NPAS2: variants seen among roughly 807,000 people sequenced by gnomAD.
NPAS2 encodes the protein neuronal PAS domain-containing protein 2.
NPAS2 carries 23 observed loss-of-function variants against 107.5 expected under a neutral mutation model. That is an observed-to-expected ratio of 0.21 (90% CI 0.15 to 0.30). NPAS2 has a LOEUF of 0.30. Among genes scored for constraint, NPAS2 ranks in the 10% least tolerant of loss-of-function variants. NPAS2 has a pLI of 1.00. For missense variants in NPAS2, 756 were observed against 1,043.3 expected, an observed-to-expected ratio of 0.72 and a Z score of 3.79; for synonymous variants, 403 against 417.5, an observed-to-expected ratio of 0.97 and a Z score of 0.42.
At chr2:100,922,093 T>C (rs1683260789) in intron 2 of NPAS2, among the ~76,000 whole-genome samples, 1 of 152,144 alleles carries the variant, frequency 6.6e-6, no homozygotes, top group African/African-American at 2.4e-5. Context: ...GAAACTACAC[T>C]ACCAGCAGAT....
intron 2 of NPAS2, among the ~76,000 whole-genome samples, chr2:100,913,103 G>A (rs1015115891): frequency 2.6e-5 from 4 of 151,998 alleles, no homozygotes; most frequent in African/African-American, 7.3e-5. Flanking sequence ...TTCAGCTCCC[G>A]GTGGGAATTG....
chr2:100,848,222 G>C (rs1405186877), intron 1 of NPAS2, among the ~76,000 whole-genome samples: 1 of 152,124 alleles, frequency 6.6e-6, no homozygotes, highest in East Asian at 1.9e-4. Context: ...AAAGACCCTG[G>C]TTACAAAGTC....
intron 2 of NPAS2, among the ~76,000 whole-genome samples, chr2:100,911,244 C>T (rs1378865730): frequency 2.0e-5 from 3 of 152,156 alleles, no homozygotes; most frequent in African/African-American, 4.8e-5. Flanking sequence ...CTCCTCTGGC[C>T]ATGGTCCTTC....
At chr2:100,918,946 G>C (rs1427328677) in intron 2 of NPAS2, among the ~76,000 whole-genome samples, 1 of 152,130 alleles carries the variant, frequency 6.6e-6, no homozygotes, top group African/African-American at 2.4e-5. Context: ...ACACCAATGG[G>C]CATAGTAGCT....
chr2:100,875,694 A>G (rs1679921572), intron 1 of NPAS2, among the ~76,000 whole-genome samples: 2 of 152,228 alleles, frequency 1.3e-5, no homozygotes, highest in Admixed American at 1.3e-4. Flanking sequence ...ATTTTTAACA[A>G]AGATTTAAAG....
chr2:100,909,788 G>A (rs1188959802), intron 2 of NPAS2, among the ~76,000 whole-genome samples: 1 of 152,004 alleles, frequency 6.6e-6, no homozygotes, highest in East Asian at 1.9e-4. Flanking sequence ...GAGAACGCAG[G>A]AGGTAATAGG....
At chr2:100,892,118 A>G (rs1681109201) in intron 1 of NPAS2, among the ~76,000 whole-genome samples, 1 of 152,214 alleles carries the variant, frequency 6.6e-6, no homozygotes, top group African/African-American at 2.4e-5. Flanking sequence ...AACTCTTGAT[A>G]GAGAGTCCCC....
intron 1 of NPAS2, among the ~76,000 whole-genome samples, chr2:100,843,749 T>C (rs966770996): frequency 2.0e-5 from 3 of 152,146 alleles, no homozygotes; most frequent in African/African-American, 4.8e-5. Flanking sequence ...TATAAAGAGA[T>C]CTAAAGGATC....
At chr2:100,949,267 AG>A in intron 6 of NPAS2, 99 bp from the exon 7 acceptor site, 1 of 744,190 alleles carries the variant, frequency 1.3e-6, no homozygotes, top group East Asian at 2.6e-5. Flanking sequence ...GGCCATGTGT[AG>A]ACTAAATCCC....
At chr2:100,874,674 G>A (rs1465859267) in intron 1 of NPAS2, among the ~76,000 whole-genome samples, 7 of 152,012 alleles carry the variant, frequency 4.6e-5, no homozygotes, top group South Asian at 2.1e-4. Flanking sequence ...CCCGGGAGGC[G>A]GAGGTTGCAG....
intron 20 of NPAS2, chr2:100,994,810 C>T (rs72976834): frequency 0.03 from 4,545 of 152,480 alleles, 245 homozygotes; most frequent in African/African-American, 0.1. Flanking sequence ...GCCTGGGCAG[C>T]TTTGAGAGCA....
At chr2:100,877,467 AG>A (rs1290713286) in intron 1 of NPAS2, among the ~76,000 whole-genome samples, 10 of 150,606 alleles carry the variant, frequency 6.6e-5, no homozygotes, top group Non-Finnish European at 1.2e-4. Context: ...AAAAAAAAAA[AG>A]AAATGGTTGA....
At chr2:100,908,046 G>A (rs918785805) in intron 2 of NPAS2, among the ~76,000 whole-genome samples, 32 of 152,076 alleles carry the variant, frequency 2.1e-4, no homozygotes, top group South Asian at 4.1e-4. Flanking sequence ...ACGTGCATGC[G>A]CGTGCATTTG....
chr2:100,836,970 G>A (rs1677109755), intron 1 of NPAS2, among the ~76,000 whole-genome samples: 1 of 152,208 alleles, frequency 6.6e-6, no homozygotes, highest in Non-Finnish European at 1.5e-5. Context: ...CTAAAACCAA[G>A]AATACCTTTG....
At chr2:100,892,210 C>G (rs1681113938) in intron 1 of NPAS2, among the ~76,000 whole-genome samples, 1 of 152,200 alleles carries the variant, frequency 6.6e-6, no homozygotes, top group African/African-American at 2.4e-5. Flanking sequence ...CCCTTCCATC[C>G]AGATATCATG....
chr2:100,992,139 C>T (rs866068507), intron 19 of NPAS2, among the ~76,000 whole-genome samples: 2 of 152,236 alleles, frequency 1.3e-5, no homozygotes, highest in Non-Finnish European at 2.9e-5. Context: ...ATAGGCTGGG[C>T]GCAGTGGCTC....
At chr2:100,932,131 A>G (rs1400835340) in intron 3 of NPAS2, among the ~76,000 whole-genome samples, 1 of 152,248 alleles carries the variant, frequency 6.6e-6, no homozygotes, top group African/African-American at 2.4e-5. Flanking sequence ...GATAAACTGA[A>G]GGAAAAACAA....
In NPAS2 at chr2:100,871,556, C is replaced by G. The variant is rs188399935; in HGVS notation, c.-22-33177C>G. 1.4e-4 allele frequency among the ~76,000 whole-genome samples: 21 copies of G among 152,158 alleles called. No individual in the cohort carries two copies. The East Asian group carries it at 2.5e-3, about 18-fold the overall frequency. ...GTGTTGGCCAGGTTGGTCTTGAACT[C>G]CTGGCCTCAAGTGATCTGCCCGCCT... On this transcript the variant is annotated intron_variant, in intron 1 of 20. Transcript: ENST00000335681.
chr2:100,861,341 T>G (rs1463768082), intron 1 of NPAS2, among the ~76,000 whole-genome samples: 1 of 152,198 alleles, frequency 6.6e-6, no homozygotes, highest in East Asian at 1.9e-4. Flanking sequence ...TAGCTCAGTC[T>G]GCTGGCTTGG....
Sources: allele counts gnomAD v4.1 joint callset (sites outside exome capture counted in the v4.1 genomes callset), GRCh38; gene constraint gnomAD v4.1.1; transcripts MANE v1.5; gene names NCBI Gene and HGNC (gene_info 2026-07-23, HGNC 2026-07-21).